Variants in PHLDB1 observed in about 807,000 individuals in gnomAD.
PHLDB1 encodes the protein pleckstrin homology-like domain family B member 1.
A neutral mutation model predicts 139.3 loss-of-function variants in PHLDB1; 65 were observed. The ratio of observed to expected loss-of-function variants is 0.47; its 90% CI spans 0.38 to 0.57. The LOEUF is 0.57. Ranked by LOEUF, PHLDB1 falls within the 20% of genes least tolerant of loss-of-function variation. The probability of loss-of-function intolerance (pLI) is 0.00; values close to 1 mark genes in which losing one functional copy is unlikely to be tolerated. For synonymous variants in PHLDB1, 679 were observed against 734.5 expected, an observed-to-expected ratio of 0.92 and a Z score of 1.22; for missense variants, 1,624 against 1,839.7, an observed-to-expected ratio of 0.88 and a Z score of 2.14.
Position 118,632,560 on chromosome 11 carries a change from C to G in PHLDB1, c.2379+264C>G. 2.0e-6 allele frequency: 1 copy of G among 507,152 alleles called. No homozygotes were observed. Among genetic ancestry groups the G allele is most frequent in the Non-Finnish European group, 3.5e-6 (1 of 283,482 alleles). The allele number at this position is 507,152 out of a possible 1,614,324, so 31.4% of individuals were successfully genotyped here. ...CTCTGGGTGCCTGCCATCCTAGGCC[C>G]TTTATGGCCCTTCTAGGAAGTGCCA... On this transcript the variant is annotated intron_variant, in intron 9 of 22. Coordinates refer to ENST00000600882, the MANE Select transcript of PHLDB1 (RefSeq NM_001144758.3). The surrounding 1 kb of genome is among the most constrained non-coding windows in gnomAD (Gnocchi z 5.9).
chr11:118,608,159 C>T lies in PHLDB1; in HGVS notation c.-22+460C>T, dbSNP rs1367482033. ...GGTATCTCCTGTGACGTCTCCCCGC[C>T]TGTCCCCAGGCCGGCCGCCTTGATG... On this transcript the variant is annotated intron_variant, in intron 1 of 22. Transcript: ENST00000600882. The surrounding 1 kb of genome is among the most constrained non-coding windows in gnomAD (Gnocchi z 6.7). Among the ~76,000 whole-genome samples the T allele has an allele frequency of 6.6e-6, 1 of 152,120 alleles. No homozygotes were observed. Among genetic ancestry groups the T allele is most frequent in the African/African-American group, 2.4e-5 (1 of 41,440 alleles).
Position 118,656,879 on chromosome 11 carries a change from A to G in PHLDB1, c.*56A>G, listed in dbSNP as rs1949136373. The G allele has an allele frequency of 3.6e-5, 54 of 1,502,738 alleles. 1 individual carries two copies. In the South Asian group the frequency reaches 6.5e-4, roughly 18 times the overall value. The allele number at this position is 1,502,738 out of a possible 1,614,324, so 93.1% of individuals were successfully genotyped here. ...GGGGCTTTTGTATAAGAAGACTTTA[A>G]TATTCTGTAAGGAGCTTGGTCCTGT... is the stretch of plus-strand genomic sequence containing the variant. On this transcript the variant is annotated 3_prime_UTR_variant, in exon 23 of 23. Transcript: ENST00000600882.
Position 118,611,818 on chromosome 11 carries a change from CAAA to C in PHLDB1, c.-21-1984_-21-1982del, listed in dbSNP as rs782515711. Reference sequence around the variant, plus strand: ...GGGCAACAAGAGTGAAACTCCGTCTCAAAAAAAAAAAAAAAATAATAATAATAA... The same window carrying C: ...GGGCAACAAGAGTGAAACTCCGTCTCAAAAAAAAAAAAATAATAATAATAA... On this transcript the variant is annotated intron_variant, in intron 1 of 22. Transcript: ENST00000600882. This position sits in a 1 kb window ranked among gnomAD's most constrained non-coding sequence, Gnocchi z 4.7. Among the ~76,000 whole-genome samples, 76 of 109,022 alleles carry C rather than the reference CAAA, an allele frequency of 7.0e-4. 1 individual carries two copies. Among genetic ancestry groups the C allele is most frequent in the South Asian group, 3.1e-3 (12 of 3,918 alleles). The allele number at this position is 109,022 out of a possible 152,430, so 71.5% of individuals were successfully genotyped here. A position where few individuals can be genotyped will look rare whatever the true frequency, so the allele number is the denominator to read the frequency against.
At chr11:118,642,066 C>G (rs1555121416) in intron 12 of PHLDB1, 188 bp from the exon 13 acceptor site, 13 of 643,206 alleles carry the variant, frequency 2.0e-5, no homozygotes, top group East Asian at 5.7e-5. Context: ...TCCCTTCCTT[C>G]CTCCCCTTCT....
At chr11:118,624,573 T>G in intron 4 of PHLDB1, 1 of 242,722 alleles carries the variant, frequency 4.1e-6, no homozygotes, top group Non-Finnish European at 8.0e-6. Context: ...CCAAGTGTTT[T>G]CTCTCTTTCT....
rs1944570008 is a variant in PHLDB1 at position 118,630,208 on chromosome 11, A to G, written c.1828-999A>G. 42 of 501,452 alleles carry G rather than the reference A, an allele frequency of 8.4e-5. 1 individual carries two copies. Among genetic ancestry groups the G allele is most frequent in the South Asian group, 7.1e-4 (42 of 59,516 alleles). The allele number at this position is 501,452 out of a possible 1,614,324, so 31.1% of individuals were successfully genotyped here. A position where few individuals can be genotyped will look rare whatever the true frequency, so the allele number is the denominator to read the frequency against. On this transcript the variant is annotated intron_variant, in intron 6 of 22. Coordinates refer to ENST00000600882, the MANE Select transcript of PHLDB1 (RefSeq NM_001144758.3). ...GACCCTAGAGAGCCATGGAAGCCTC[A>G]CAAACCAGGCTTCAGGCCTATAGGT... is the stretch of plus-strand genomic sequence containing the variant.
chr11:118,642,176 C>A, intron 12 of PHLDB1, 78 bp from the exon 13 acceptor site: 1 of 1,345,110 alleles, frequency 7.4e-7, no homozygotes, highest in Non-Finnish European at 1.1e-6. Flanking sequence ...CCTGCCTTTT[C>A]CTTTCCCTTT....
At chr11:118,637,284 A>T (rs781846735) in intron 10 of PHLDB1, 3 of 152,190 alleles carry the variant, frequency 2.0e-5, no homozygotes, top group Non-Finnish European at 4.4e-5. Flanking sequence ...CCTGGCTCCT[A>T]ATGGGTTCTT....
In PHLDB1 at chr11:118,650,648, G is replaced by C. The variant is rs1364246183; in HGVS notation, c.3874+101G>C. 2.5e-6 allele frequency: 2 copies of C among 788,982 alleles called. No homozygotes were observed. The highest frequency in any genetic ancestry group is 3.4e-4 in the Middle Eastern group (1 of 2,950). 48.9% of individuals were successfully genotyped at this position (788,982 alleles called of 1,614,324 possible). On this transcript the variant is annotated intron_variant, in intron 20 of 22. Transcript: ENST00000600882. The surrounding 1 kb of genome is among the most constrained non-coding windows in gnomAD (Gnocchi z 4.7). Reference sequence around the variant, plus strand: ...GAAGGAGGCCAAGCTTCCAAGTAGGGGACCAGAGTCTTGGGCTAGGCTTTG... The same window carrying C: ...GAAGGAGGCCAAGCTTCCAAGTAGGCGACCAGAGTCTTGGGCTAGGCTTTG...
At position 118,635,521 on chromosome 11, in the gene PHLDB1, G is replaced by A. The variant is rs892857038; in HGVS notation, c.2508G>A (p.Glu836=). 2.6e-5 allele frequency: 42 copies of A among 1,592,184 alleles called. No homozygotes were observed. The highest frequency in any genetic ancestry group is 3.3e-5 in the Non-Finnish European group (39 of 1,170,442). The stretch of plus-strand genomic sequence containing the variant: ...AGGGGCTGCTCCGGAGCAAGGCTGA[G>A]CTGCTCCGCAGCATCGCCAAGAGGA... The part of the protein sequence containing the change: ...AGQGLLRSKA[E]LLRSIAKRKE... Residue 836 remains glutamate (E), a synonymous_variant, in exon 10 of 23, where the codon GAG becomes GAA. Transcript: ENST00000600882.
intron 13 of PHLDB1, 96 bp from the exon 14 acceptor site, chr11:118,643,704 C>T: frequency 6.3e-7 from 1 of 1,598,592 alleles, no homozygotes; most frequent in South Asian, 1.1e-5. Flanking sequence ...AGGCCTAGTG[C>T]CAGGGCGGTA....
Position 118,650,443 on chromosome 11 carries a change from A to C in PHLDB1, c.3772-2A>C. 6.2e-7 allele frequency: 1 copy of C among 1,608,346 alleles called. No homozygotes were observed. The highest frequency in any genetic ancestry group is 8.5e-7 in the Non-Finnish European group (1 of 1,174,684). On this transcript the variant is annotated splice_acceptor_variant, in intron 19 of 22. Transcript: ENST00000600882. LOFTEE classifies it high-confidence loss of function. The surrounding 1 kb of genome is among the most constrained non-coding windows in gnomAD (Gnocchi z 4.7). ...TCCTTCCTTACTCCTGCTTCCTACC[A>C]GGTCTGCCGTGGCTACTTGGTCAAG...
intron 18 of PHLDB1, 60 bp downstream of exon 18, chr11:118,648,136 G>C: frequency 6.6e-7 from 1 of 1,525,680 alleles, no homozygotes; most frequent in South Asian, 1.2e-5. Context: ...TAGAGAAGTG[G>C]GGAGATCCCA....
intron 1 of PHLDB1, chr11:118,613,404 G>T: frequency 1.0e-6 from 1 of 989,000 alleles, no homozygotes; most frequent in South Asian, 4.6e-5. Flanking sequence ...GGGCCCTCTG[G>T]CTACCAGTGT....
chr11:118,625,313 C>T (rs1943667578), intron 5 of PHLDB1, among the ~76,000 whole-genome samples: 1 of 152,226 alleles, frequency 6.6e-6, no homozygotes, highest in Non-Finnish European at 1.5e-5. Context: ...TTGTACCCCA[C>T]TGCCCTGGAG....
At chr11:118,621,655 C>T (rs1039882926) in intron 4 of PHLDB1, 1 of 152,300 alleles carries the variant, frequency 6.6e-6, no homozygotes, top group Non-Finnish European at 1.5e-5. Context: ...GGTCCTCTGA[C>T]CTTCTTTGGG....
chr11:118,646,674 A>G (rs879950169), intron 17 of PHLDB1: 7 of 152,270 alleles, frequency 4.6e-5, no homozygotes, highest in Admixed American at 3.9e-4. Context: ...TATCCTGGGC[A>G]TAGGCAGGCT....
At chr11:118,607,232 G>A (rs1353363242), upstream of PHLDB1, among the ~76,000 whole-genome samples, 1 of 149,286 alleles carries the variant, frequency 6.7e-6, no homozygotes, top group Non-Finnish European at 1.5e-5. Flanking sequence ...GAGGGAGAAC[G>A]GATTGTCAAA....
In PHLDB1 at chr11:118,638,958, G is replaced by A. The variant is rs2298484; in HGVS notation, c.2603G>A (p.Arg868His). The change falls in exon 11 of 23, where the codon CGC becomes CAC. Residue 868 changes from arginine to histidine, a missense_variant. Arg to His is a conservative substitution (Grantham distance 29). Transcript: ENST00000600882. ...IRAQAVQESE[R>H]LARDKNASLQ... ...GCTCAGGCCGTGCAGGAATCAGAAC[G>A]CCTGGCCCGGGACAAGAATGCCTCC... 1.6e-3 allele frequency: 2,581 copies of A among 1,613,780 alleles called. 48 individuals carry two copies. In the East Asian group the frequency reaches 0.038, roughly 24 times the overall value.
Sources: gnomAD v4.1 joint callset for allele counts (sites outside exome capture counted in the v4.1 genomes callset) on GRCh38, gnomAD v4.1.1 for gene constraint, Gnocchi (gnomAD v3.1) non-coding constraint, MANE v1.5 for transcripts, NCBI Gene and HGNC (gene_info 2026-07-23, HGNC 2026-07-21) for gene names.